Variants in ZNF385D observed in about 807,000 individuals in gnomAD.
ZNF385D encodes zinc finger protein 659.
Under a neutral mutation model 35.8 loss-of-function variants are expected in ZNF385D, and 15 were observed. The observed-to-expected ratio is 0.42, with a 90% confidence interval of 0.28 to 0.64. The LOEUF (loss-of-function observed/expected upper bound fraction) is 0.64, where lower values mean the gene tolerates loss of function less well. Ranked by LOEUF, ZNF385D falls within the 30% of genes least tolerant of loss-of-function variation. The pLI, the probability that ZNF385D is intolerant of heterozygous loss-of-function variation, is 0.23. For missense variants in ZNF385D, 474 were observed against 494.6 expected, an observed-to-expected ratio of 0.96 and a Z score of 0.39; for synonymous variants, 212 against 186.8, an observed-to-expected ratio of 1.13 and a Z score of -1.10.
At chr3:22,204,393 A>C (rs1038381128) in intron 2 of ZNF385D, among the ~76,000 whole-genome samples, 4 of 152,060 alleles carry the variant, frequency 2.6e-5, no homozygotes, top group African/African-American at 9.7e-5. Context: ...AGAAGAATGG[A>C]AACAAACAAT....
rs1282774674 is a variant in ZNF385D at position 22,123,924 on chromosome 3, C to A, written c.325+44893G>T. Among the ~76,000 whole-genome samples the A allele has an allele frequency of 9.7e-3, 437 of 45,242 alleles. 7 individuals are homozygous for A. Among genetic ancestry groups the A allele is most frequent in the African/African-American group, 0.031 (417 of 13,318 alleles). 29.7% of individuals were successfully genotyped at this position (45,242 alleles called of 152,430 possible). On this transcript the variant is annotated intron_variant, in intron 3 of 5. Coordinates refer to the ZNF385D transcript ENST00000494108. ...AACAAAAACTAGAGCTAGACTCCAT[C>A]TCTCTCTCTCTCTCTCTCTCTCTCT...
intron 3 of ZNF385D, among the ~76,000 whole-genome samples, chr3:21,850,542 T>A (rs144908190): frequency 1.3e-5 from 2 of 152,228 alleles, no homozygotes; most frequent in East Asian, 3.9e-4. Context: ...TGTATAGTAG[T>A]TTCCTTGAGC....
chr3:21,931,467 G>T (rs1701004821), intron 3 of ZNF385D, among the ~76,000 whole-genome samples: 1 of 152,260 alleles, frequency 6.6e-6, no homozygotes, highest in Non-Finnish European at 1.5e-5. Flanking sequence ...AAAAACGTAT[G>T]TCCACACAAA....
At chr3:21,841,599 T>A (rs1695678824) in intron 3 of ZNF385D, among the ~76,000 whole-genome samples, 1 of 152,020 alleles carries the variant, frequency 6.6e-6, no homozygotes. Flanking sequence ...TTTTTGTGAA[T>A]AGCCTGTTTA....
At chr3:22,224,654 C>A (rs1440720818) in intron 2 of ZNF385D, among the ~76,000 whole-genome samples, 4 of 152,158 alleles carry the variant, frequency 2.6e-5, no homozygotes, top group Non-Finnish European at 4.4e-5. Flanking sequence ...TAAGGTGAGA[C>A]AATCTTTTGT....
chr3:21,445,260 A>G (rs1315239105), intron 4 of ZNF385D, among the ~76,000 whole-genome samples: 1 of 152,206 alleles, frequency 6.6e-6, no homozygotes, highest in Non-Finnish European at 1.5e-5. Context: ...AAGCCAACAG[A>G]AAAAGACAGA....
At chr3:21,909,350 G>T (rs1699848951) in intron 3 of ZNF385D, among the ~76,000 whole-genome samples, 1 of 151,892 alleles carries the variant, frequency 6.6e-6, no homozygotes, top group Non-Finnish European at 1.5e-5. Flanking sequence ...AACTCTCATG[G>T]CTGAGAATTT....
intron 2 of ZNF385D, among the ~76,000 whole-genome samples, chr3:22,219,630 T>C (rs1275041078): frequency 1.3e-5 from 2 of 152,222 alleles, no homozygotes; most frequent in African/African-American, 4.8e-5. Context: ...TCAGAATATT[T>C]CAGGTTTCAT....
intron 2 of ZNF385D, among the ~76,000 whole-genome samples, chr3:22,311,970 G>GC (rs1400680993): frequency 6.6e-6 from 1 of 152,074 alleles, no homozygotes; most frequent in Non-Finnish European, 1.5e-5. Flanking sequence ...TATGCATTAT[G>GC]CAACAAGACA....
At chr3:21,931,785 A>T in intron 3 of ZNF385D, among the ~76,000 whole-genome samples, 1 of 152,172 alleles carries the variant, frequency 6.6e-6, no homozygotes, top group East Asian at 1.9e-4. Flanking sequence ...CAACTCTGTA[A>T]ATGTATTAAA....
At chr3:22,263,669 T>G (rs1163316792) in intron 2 of ZNF385D, among the ~76,000 whole-genome samples, 1 of 152,016 alleles carries the variant, frequency 6.6e-6, no homozygotes, top group Non-Finnish European at 1.5e-5. Context: ...ATTTGTTAAA[T>G]GAATGAATGA....
intron 4 of ZNF385D, among the ~76,000 whole-genome samples, chr3:21,445,209 C>A (rs1354618329): frequency 6.6e-6 from 1 of 152,180 alleles, no homozygotes; most frequent in Non-Finnish European, 1.5e-5. Flanking sequence ...AGCGTATATT[C>A]TCTCTAGACA....
chr3:21,631,556 A>G (rs1389348094), intron 2 of ZNF385D, among the ~76,000 whole-genome samples: 2 of 152,154 alleles, frequency 1.3e-5, no homozygotes, highest in Admixed American at 6.6e-5. Context: ...TGCTAAGAGT[A>G]GTTTCTCCTT....
At chr3:22,214,928 C>T (rs913666354) in intron 2 of ZNF385D, among the ~76,000 whole-genome samples, 1 of 151,912 alleles carries the variant, frequency 6.6e-6, no homozygotes, top group East Asian at 1.9e-4. Flanking sequence ...TTGTACACAC[C>T]CTCCCCTTTT....
intron 3 of ZNF385D, among the ~76,000 whole-genome samples, chr3:21,562,555 C>A (rs2062989347): frequency 6.6e-6 from 1 of 151,996 alleles, no homozygotes; most frequent in Admixed American, 6.6e-5. Context: ...AAGAAGTGTG[C>A]TTAATAAAGA....
chr3:21,941,490 CTTTTTTTTTTTTT>C (rs531693623), intron 3 of ZNF385D, among the ~76,000 whole-genome samples: 4 of 63,586 alleles, frequency 6.3e-5, no homozygotes, highest in Non-Finnish European at 8.2e-5. Flanking sequence ...TTCCATTACT[CTTTTTTTTTTTTT>C]TTTTTTTTTT....
chr3:22,358,629 G>C (rs1340511591), intron 2 of ZNF385D, among the ~76,000 whole-genome samples: 1 of 151,772 alleles, frequency 6.6e-6, no homozygotes, highest in Non-Finnish European at 1.5e-5. Flanking sequence ...AATCAAAATG[G>C]TGGTAAATAG....
chr3:21,958,946 G>A (rs969695225), intron 3 of ZNF385D: 1 of 152,036 alleles, frequency 6.6e-6, no homozygotes, highest in African/African-American at 2.4e-5. Flanking sequence ...AAACCCTAAT[G>A]TTCTTTCTTT....
chr3:21,757,173 A>G (rs974117679), intron 3 of ZNF385D, among the ~76,000 whole-genome samples: 2 of 121,964 alleles, frequency 1.6e-5, no homozygotes, highest in South Asian at 5.2e-4. Flanking sequence ...TCTCTCACCC[A>G]GGCCCCAGGC....
Sources: gnomAD v4.1 joint callset for allele counts (sites outside exome capture counted in the v4.1 genomes callset) on GRCh38, gnomAD v4.1.1 for gene constraint, MANE v1.5 for transcripts, NCBI Gene and HGNC (gene_info 2026-07-23, HGNC 2026-07-21) for gene names.